The following RYR2 variants were observed in gnomAD, a reference collection of about 807,000 sequenced individuals.
The protein encoded by RYR2 is cardiac muscle ryanodine receptor-calcium release channel.
RYR2 carries 227 observed loss-of-function variants against 601.1 expected under a neutral mutation model. The observed-to-expected ratio is 0.38, with a 90% confidence interval of 0.34 to 0.42. RYR2 has a LOEUF of 0.42. Among genes scored for constraint, RYR2 ranks in the 10% least tolerant of loss-of-function variants. RYR2 has a pLI of 1.00. For synonymous variants in RYR2, 2,223 were observed against 2,175.1 expected (o/e 1.02, Z -0.61); for missense variants, 4,646 against 6,156.5 (o/e 0.75, Z 8.21).
intron 1 of RYR2, among the ~76,000 whole-genome samples, chr1:237,193,280 A>G (rs1171908501): frequency 2.6e-5 from 4 of 152,042 alleles, no homozygotes; most frequent in East Asian, 1.9e-4. Flanking sequence ...CGTGGCTAAC[A>G]TGGTGAAACC....
intron 3 of RYR2, among the ~76,000 whole-genome samples, chr1:237,347,322 CAAACAGAAA>C (rs1230902098): frequency 6.6e-6 from 1 of 151,876 alleles, no homozygotes; most frequent in Non-Finnish European, 1.5e-5. Context: ...CAAAAACAAA[CAAACAGAAA>C]AAACAGAGAG....
At chr1:237,391,760 A>T (rs1702405774) in intron 10 of RYR2, among the ~76,000 whole-genome samples, 1 of 152,154 alleles carries the variant, frequency 6.6e-6, no homozygotes, top group Non-Finnish European at 1.5e-5. Context: ...GTATGTGGTT[A>T]CCTATTCATT....
chr1:237,068,348 A>C (rs1663904864), intron 1 of RYR2, among the ~76,000 whole-genome samples: 1 of 152,142 alleles, frequency 6.6e-6, no homozygotes, highest in South Asian at 2.1e-4. Context: ...CCTCAGCAAA[A>C]ATATTAGTTT....
chr1:237,173,022 C>T (rs1013988116), intron 1 of RYR2, among the ~76,000 whole-genome samples: 1 of 152,112 alleles, frequency 6.6e-6, no homozygotes, highest in African/African-American at 2.4e-5. Flanking sequence ...GCCCATTTAA[C>T]CCTTATGATA....
chr1:237,653,472 C>T (rs1007718995), intron 51 of RYR2, among the ~76,000 whole-genome samples: 57 of 152,142 alleles, frequency 3.7e-4, no homozygotes, highest in African/African-American at 1.4e-3. Context: ...TCCAAACAAC[C>T]TCATAAAGAA....
At chr1:237,760,918 A>G in intron 83 of RYR2, 37 bp from the exon 84 acceptor site, 1 of 1,322,870 alleles carries the variant, frequency 7.6e-7, no homozygotes, top group Non-Finnish European at 1.1e-6. Context: ...ATGTTCTATT[A>G]GTCCTCTAAA....
rs915015542 is a variant in RYR2, at chr1:237,384,454, C to A, written c.577-2827C>A. On this transcript the variant is annotated intron_variant, in intron 8 of 104. Transcript: ENST00000366574. ...GTAATGTATGTCCCCGTATCTCCACCTTTGTGCTCACGCTCTTGTCTTCAA... is the reference window on the plus strand; with the variant it reads ...GTAATGTATGTCCCCGTATCTCCACATTTGTGCTCACGCTCTTGTCTTCAA... Among the ~76,000 whole-genome samples, 3 of 152,204 alleles carry A rather than the reference C, an allele frequency of 2.0e-5. No individual in the cohort carries two copies. In the East Asian group the frequency reaches 5.8e-4, roughly 29 times the overall value.
At chr1:237,123,024 G>C (rs1289386615) in intron 1 of RYR2, among the ~76,000 whole-genome samples, 1 of 152,200 alleles carries the variant, frequency 6.6e-6, no homozygotes, top group South Asian at 2.1e-4. Context: ...GGTGGATTGT[G>C]TATTATGCAA....
Position 237,832,669 on chromosome 1 carries a change from A to G in RYR2, c.*22A>G, listed in dbSNP as rs768402072. 2.1e-6 allele frequency: 3 copies of G among 1,408,860 alleles called. No homozygotes were observed. The Admixed American group carries it at 5.1e-5, about 24-fold the overall frequency. The allele number at this position is 1,408,860 out of a possible 1,614,324, so 87.3% of individuals were successfully genotyped here. A position where few individuals can be genotyped will look rare whatever the true frequency, so the allele number is the denominator to read the frequency against. ...TTAAACTCAGACCCAATCACCTCTA[A>G]AAACCAAAACCCTACCCCTCTCTCT... On this transcript the variant is annotated 3_prime_UTR_variant, in exon 105 of 105. Transcript: ENST00000366574.
At chr1:237,508,313 G>T (rs78701903) in intron 23 of RYR2, among the ~76,000 whole-genome samples, 1,522 of 152,026 alleles carry the variant, frequency 0.01, 29 homozygotes, top group African/African-American at 0.033. Flanking sequence ...ATAAAAGACT[G>T]GACCATCTAT....
chr1:237,508,793 AGT>A (rs1665549291), intron 23 of RYR2, among the ~76,000 whole-genome samples: 1 of 113,836 alleles, frequency 8.8e-6, no homozygotes, highest in Non-Finnish European at 1.6e-5. Context: ...CCCAGGCTGG[AGT>A]GCAGTGGCGG....
intron 1 of RYR2, among the ~76,000 whole-genome samples, chr1:237,102,756 G>C (rs540676439): frequency 1.1e-4 from 17 of 152,286 alleles, no homozygotes; most frequent in African/African-American, 3.6e-4. Context: ...TCGGGAGGCT[G>C]AGGCAGGAGA....
At chr1:237,112,234 C>T (rs1333836019) in intron 1 of RYR2, among the ~76,000 whole-genome samples, 1 of 152,174 alleles carries the variant, frequency 6.6e-6, no homozygotes, top group Non-Finnish European at 1.5e-5. Flanking sequence ...CTGCCTCAGC[C>T]TCCTGAGTAG....
At chr1:237,250,457 G>A in intron 1 of RYR2, among the ~76,000 whole-genome samples, 1 of 152,190 alleles carries the variant, frequency 6.6e-6, no homozygotes, top group African/African-American at 2.4e-5. Context: ...GTATTTTAGA[G>A]CTTAAAGATA....
At chr1:237,492,848 GAA>G in intron 18 of RYR2, 104 bp from the exon 19 acceptor site, 2 of 1,155,658 alleles carry the variant, frequency 1.7e-6, no homozygotes, top group Non-Finnish European at 2.3e-6. Context: ...AGGAAGGAAG[GAA>G]GGAAGGAAGG....
chr1:237,236,010 G>C (rs1398117086), intron 1 of RYR2, among the ~76,000 whole-genome samples: 1 of 152,138 alleles, frequency 6.6e-6, no homozygotes, highest in African/African-American at 2.4e-5. Context: ...TATTCTGAAG[G>C]AATATGGTGC....
chr1:237,403,068 G>A (rs1324661126), intron 10 of RYR2, among the ~76,000 whole-genome samples: 1 of 152,198 alleles, frequency 6.6e-6, no homozygotes, highest in African/African-American at 2.4e-5. Context: ...AGAGAGGAAA[G>A]ATGGATGGAG....
intron 1 of RYR2, among the ~76,000 whole-genome samples, chr1:237,243,226 G>A (rs566070741): frequency 2.6e-5 from 4 of 152,214 alleles, no homozygotes; most frequent in African/African-American, 9.6e-5. Context: ...TCTACCTGGA[G>A]ATAGTGTCAG....
At chr1:237,649,831 C>G (rs765842103) in intron 49 of RYR2, 46 bp from the exon 50 acceptor site, 2 of 1,548,150 alleles carry the variant, frequency 1.3e-6, no homozygotes, top group Non-Finnish European at 1.8e-6. Context: ...TGAAGATTAT[C>G]TACTGCCAAA....
Sources: gnomAD v4.1 joint callset for allele counts (sites outside exome capture counted in the v4.1 genomes callset) on GRCh38, gnomAD v4.1.1 for gene constraint, MANE v1.5 for transcripts, NCBI Gene and HGNC (gene_info 2026-07-23, HGNC 2026-07-21) for gene names.